PEAK1: variants seen among roughly 807,000 people sequenced by gnomAD.
The protein encoded by PEAK1 is inactive tyrosine-protein kinase PEAK1.
PEAK1 carries 54 observed loss-of-function variants against 124.7 expected under a neutral mutation model. The ratio of observed to expected loss-of-function variants is 0.43; its 90% CI spans 0.35 to 0.54. PEAK1 has a LOEUF of 0.54. PEAK1 is among the 20% of genes least tolerant of loss of function. The pLI, the probability that PEAK1 is intolerant of heterozygous loss-of-function variation, is 0.01. For missense variants in PEAK1, 2,046 were observed against 2,134.5 expected (o/e 0.96, Z 0.82); for synonymous variants, 719 against 760.0 (o/e 0.95, Z 0.89).
At chr15:77,378,132 T>C (rs374290594) in intron 1 of PEAK1, among the ~76,000 whole-genome samples, 59 of 151,534 alleles carry the variant, frequency 3.9e-4, no homozygotes, top group African/African-American at 1.3e-3. Context: ...TGCCTGACTA[T>C]CACATTTCCT....
chr15:77,220,913 CTA>C (rs1471402884), intron 6 of PEAK1, among the ~76,000 whole-genome samples: 5 of 151,690 alleles, frequency 3.3e-5, no homozygotes, highest in Non-Finnish European at 5.9e-5. Context: ...AGATTAGAAA[CTA>C]AATACAGACA....
chr15:77,268,552 T>C (rs749988670), intron 5 of PEAK1, among the ~76,000 whole-genome samples: 2 of 151,954 alleles, frequency 1.3e-5, no homozygotes, highest in Non-Finnish European at 2.9e-5. Context: ...TTGGTGTTTC[T>C]GGGGAAGAAG....
intron 8 of PEAK1, chr15:77,156,799 ATATAT>A (rs2055196491): frequency 6.6e-6 from 1 of 152,218 alleles, no homozygotes; most frequent in Admixed American, 6.5e-5. Flanking sequence ...ATAATTTCTG[ATATAT>A]TATGCTGTCT....
chr15:77,154,995 G>A (rs1359383233), intron 8 of PEAK1, among the ~76,000 whole-genome samples: 8 of 152,014 alleles, frequency 5.3e-5, no homozygotes, highest in Non-Finnish European at 8.8e-5. Flanking sequence ...AGTATCTGTG[G>A]CGTTCTCTGT....
At chr15:77,402,184 G>T in intron 1 of PEAK1, 1 of 948,778 alleles carries the variant, frequency 1.1e-6, no homozygotes, top group Admixed American at 7.2e-5. Flanking sequence ...AAAAAAAAAG[G>T]GACCAGATTT....
chr15:77,420,186 T>G (rs2073267483), upstream of PEAK1: 1 of 145,008 alleles, frequency 6.9e-6, no homozygotes. Context: ...CCCACCAGCC[T>G]GCCCGCCTCC....
chr15:77,358,540 G>C (rs76727908), intron 2 of PEAK1, among the ~76,000 whole-genome samples: 5,101 of 152,176 alleles, frequency 0.034, 292 homozygotes, highest in African/African-American at 0.11. Context: ...CACCCTTTTC[G>C]AAACACTCTA....
At chr15:77,319,738 ATAGTTC>A (rs1407956953) in intron 2 of PEAK1, among the ~76,000 whole-genome samples, 1 of 152,190 alleles carries the variant, frequency 6.6e-6, no homozygotes, top group Non-Finnish European at 1.5e-5. Flanking sequence ...TCCCTCTTAA[ATAGTTC>A]TACCCCACAA....
chr15:77,384,388 T>C (rs1175526816), intron 1 of PEAK1, among the ~76,000 whole-genome samples: 1 of 152,214 alleles, frequency 6.6e-6, no homozygotes, highest in Non-Finnish European at 1.5e-5. Context: ...AAATGTGATT[T>C]GGCAAATAAC....
chr15:77,134,308 T>A (rs2053134257), intron 8 of PEAK1, among the ~76,000 whole-genome samples: 1 of 152,240 alleles, frequency 6.6e-6, no homozygotes, highest in South Asian at 2.1e-4. Context: ...AACACATGAA[T>A]ACAATTTCAA....
intron 2 of PEAK1, among the ~76,000 whole-genome samples, chr15:77,325,532 G>A (rs1445664679): frequency 6.6e-6 from 1 of 152,104 alleles, no homozygotes; most frequent in Non-Finnish European, 1.5e-5. Flanking sequence ...TTTATATAGA[G>A]AGGGTAAATT....
At chr15:77,203,235 G>C (rs1398570228) in intron 6 of PEAK1, among the ~76,000 whole-genome samples, 1 of 151,800 alleles carries the variant, frequency 6.6e-6, no homozygotes. Context: ...AAGAGAGGCA[G>C]GCACTCACAG....
chr15:77,222,220 T>C (rs1417886007), intron 6 of PEAK1, among the ~76,000 whole-genome samples: 2 of 152,090 alleles, frequency 1.3e-5, no homozygotes, highest in African/African-American at 4.8e-5. Context: ...TTTAACCTTT[T>C]TCTTTCATAG....
Position 77,178,908 on chromosome 15 carries a change from C to T in PEAK1, c.3019G>A (p.Ala1007Thr), listed in dbSNP as rs773007099. The change falls in exon 7 of 10, where the codon GCT becomes ACT. Residue 1007 changes from alanine (A) to threonine (T), a missense_variant. Coordinates refer to ENST00000682557, the MANE Select transcript of PEAK1 (RefSeq NM_001385026.1). ...ATGACTGCTGCCTGGTCTGTCCTAG[C>T]CTTGCTCTGATCCACACTGAGCTGG... ...QGQLSVDQSKARTDQAAVMEK... is the reference protein window; with the variant it reads ...QGQLSVDQSKTRTDQAAVMEK... The T allele has an allele frequency of 3.7e-6, 6 of 1,614,074 alleles. No homozygotes were observed. In the African/African-American group the frequency reaches 4.0e-5, roughly 11 times the overall value.
chr15:77,325,951 C>CA (rs2065549374), intron 2 of PEAK1, among the ~76,000 whole-genome samples: 1 of 151,890 alleles, frequency 6.6e-6, no homozygotes, highest in African/African-American at 2.4e-5. Context: ...ATAAATATAA[C>CA]AGAGAACTAG....
intron 7 of PEAK1, among the ~76,000 whole-genome samples, chr15:77,169,764 G>T (rs2056375987): frequency 6.6e-6 from 1 of 152,114 alleles, no homozygotes; most frequent in African/African-American, 2.4e-5. Flanking sequence ...TTTGGAGGTT[G>T]AATCATCCAA....
chr15:77,343,392 T>C (rs1277830386), intron 2 of PEAK1, among the ~76,000 whole-genome samples: 1 of 152,154 alleles, frequency 6.6e-6, no homozygotes, highest in Non-Finnish European at 1.5e-5. Context: ...TTGCAAATAT[T>C]TTCTCCCATT....
rs377595863 is a variant in PEAK1 at position 77,114,621 on chromosome 15, C to T, written c.4776G>A (p.Glu1592=). The change falls in exon 10 of 10, where the codon GAG becomes GAA. Residue 1592 remains glutamate (E), a synonymous_variant. Coordinates refer to ENST00000682557, the MANE Select transcript of PEAK1 (RefSeq NM_001385026.1). ...CATAGATGAGGATGCCTGTCTGGAA[C>T]TCATCACACTTTTTATACTGGGTAG... The part of the protein sequence containing the change: ...ITATQYKKCD[E]FQTGILIYEM... 45 of 1,614,012 alleles carry T rather than the reference C, an allele frequency of 2.8e-5. No homozygotes were observed. The East Asian group carries it at 2.9e-4, about 10-fold the overall frequency.
intron 8 of PEAK1, among the ~76,000 whole-genome samples, chr15:77,151,526 T>C (rs1170619354): frequency 6.6e-6 from 1 of 152,224 alleles, no homozygotes; most frequent in Non-Finnish European, 1.5e-5. Flanking sequence ...TAGATCCCAT[T>C]TGTCAATTTT....
Sources: allele counts gnomAD v4.1 joint callset (sites outside exome capture counted in the v4.1 genomes callset), GRCh38; gene constraint gnomAD v4.1.1; transcripts MANE v1.5; gene names NCBI Gene and HGNC (gene_info 2026-07-23, HGNC 2026-07-21).